Variants in WSCD1 observed in about 807,000 individuals in gnomAD.
The protein encoded by WSCD1 is sialate:O-sulfotransferase 1.
A neutral mutation model predicts 60.4 loss-of-function variants in WSCD1; 41 were observed. That is an observed-to-expected ratio of 0.68 (90% CI 0.53 to 0.88). WSCD1 has a LOEUF of 0.88. WSCD1 is among the 40% of genes least tolerant of loss of function. The probability of loss-of-function intolerance (pLI) is 0.00; values close to 1 mark genes in which losing one functional copy is unlikely to be tolerated. For missense variants in WSCD1, 784 were observed against 796.2 expected (o/e 0.98, Z 0.18); for synonymous variants, 361 against 332.5 (o/e 1.09, Z -0.93).
intron 3 of WSCD1, among the ~76,000 whole-genome samples, 177 bp from the exon 4 acceptor site, chr17:6,090,144 A>G (rs1296714541): frequency 2.0e-5 from 3 of 152,242 alleles, no homozygotes; most frequent in Non-Finnish European, 4.4e-5. Flanking sequence ...ACATGTATAC[A>G]TATGTAACTA....
chr17:6,079,509 C>T (rs1909089468), intron 1 of WSCD1, among the ~76,000 whole-genome samples: 2 of 152,176 alleles, frequency 1.3e-5, no homozygotes, highest in African/African-American at 4.8e-5. Flanking sequence ...GATCAGAGAG[C>T]CTTCTGCCTT....
In WSCD1 at chr17:6,123,657, T is replaced by A. The variant is rs377678992; in HGVS notation, c.*2996T>A. 1.3e-4 allele frequency: 20 copies of A among 152,346 alleles called. No homozygotes were observed. The East Asian group carries it at 2.3e-3, about 18-fold the overall frequency. The allele number at this position is 152,346 out of a possible 1,614,324, so 9.4% of individuals were successfully genotyped here. ...ATTCTTGGGACACAGGTTTGTTTTCTGCTGACTTGCTCGGAAACCCATTGG... is the reference window on the plus strand; with the variant it reads ...ATTCTTGGGACACAGGTTTGTTTTCAGCTGACTTGCTCGGAAACCCATTGG... On this transcript the variant is annotated 3_prime_UTR_variant, in exon 9 of 9. Coordinates refer to ENST00000317744, the MANE Select transcript of WSCD1 (RefSeq NM_015253.2).
chr17:6,107,576 C>G (rs1271197629), intron 5 of WSCD1, among the ~76,000 whole-genome samples: 5 of 152,148 alleles, frequency 3.3e-5, no homozygotes, highest in Non-Finnish European at 7.4e-5. Flanking sequence ...AGGACTTCAA[C>G]ATATGAATTT....
intron 2 of WSCD1, chr17:6,081,792 T>C (rs899236750): frequency 6.6e-6 from 1 of 152,170 alleles, no homozygotes; most frequent in Non-Finnish European, 1.5e-5. Flanking sequence ...TCCTGGGCTA[T>C]TGTGACAAGC....
chr17:6,090,389 G>A lies in WSCD1; in HGVS notation c.611G>A (p.Ser204Asn), dbSNP rs574789679. The change falls in exon 4 of 9, where the codon AGC becomes AAC. Residue 204 changes from serine to asparagine, a missense_variant. Coordinates refer to ENST00000317744, the MANE Select transcript of WSCD1 (RefSeq NM_015253.2). ...TGCGGGAACCGGCTGCCAGCGGTGA[G>A]CGTGGGGCTGGAAGAGTGTAACCAT... is the stretch of plus-strand genomic sequence containing the variant. Reference protein sequence around the residue: ...CYCGNRLPAVSVGLEECNHEC... With the variant: ...CYCGNRLPAVNVGLEECNHEC... 1.1e-5 allele frequency: 17 copies of A among 1,610,688 alleles called. No individual in the cohort carries two copies. In the East Asian group the frequency reaches 3.4e-4, roughly 32 times the overall value.
chr17:6,092,428 G>T (rs1042362188), intron 4 of WSCD1, among the ~76,000 whole-genome samples: 1 of 152,110 alleles, frequency 6.6e-6, no homozygotes, highest in African/African-American at 2.4e-5. Context: ...ATGGGGCAAT[G>T]GGGACAGGGG....
intron 7 of WSCD1, among the ~76,000 whole-genome samples, chr17:6,114,994 A>G (rs944750088): frequency 6.6e-6 from 1 of 152,148 alleles, no homozygotes; most frequent in Non-Finnish European, 1.5e-5. Context: ...TTCCAGCTTC[A>G]TGCATGTTCC....
rs1318195635 is a variant in WSCD1, at chr17:6,075,822, T to C, written c.-288-4549T>C. 2.0e-5 allele frequency among the ~76,000 whole-genome samples: 3 copies of C among 151,960 alleles called. No homozygotes were observed. On this transcript the variant is annotated intron_variant, in intron 1 of 8. Transcript: ENST00000317744. This position sits in a 1 kb window ranked among gnomAD's most constrained non-coding sequence, Gnocchi z 4.1. ...TGAAGCACTCTGCAGGGTTCCAAGA[T>C]GGGAGGTGCCCACAGGAAGCACACC...
chr17:6,096,314 A>G (rs1910423029), intron 5 of WSCD1, among the ~76,000 whole-genome samples: 1 of 152,084 alleles, frequency 6.6e-6, no homozygotes, highest in African/African-American at 2.4e-5. Flanking sequence ...GCAGGGGTGG[A>G]CTTCAATGAC....
At chr17:6,115,302 A>G (rs1216050919) in intron 7 of WSCD1, among the ~76,000 whole-genome samples, 3 of 152,218 alleles carry the variant, frequency 2.0e-5, no homozygotes, top group Admixed American at 6.5e-5. Flanking sequence ...ACCCTCAATA[A>G]TTAGGGGTGA....
At position 6,090,262 on chromosome 17, in the gene WSCD1, T is replaced by C. The variant is rs187543384; in HGVS notation, c.543-59T>C. On this transcript the variant is annotated intron_variant, in intron 3 of 8. Coordinates refer to ENST00000317744, the MANE Select transcript of WSCD1 (RefSeq NM_015253.2). The stretch of plus-strand genomic sequence containing the variant: ...CATCAAGCTGAAACAGTCTGCAGTT[T>C]AGACCGCAGCCCTAGCTCTGGGCCA... 1.1e-5 allele frequency: 17 copies of C among 1,484,962 alleles called. No homozygotes were observed. In the East Asian group the frequency reaches 4.0e-4, roughly 35 times the overall value. 92.0% of individuals were successfully genotyped at this position (1,484,962 alleles called of 1,614,324 possible). A position where few individuals can be genotyped will look rare whatever the true frequency, so the allele number is the denominator to read the frequency against.
At chr17:6,076,086 G>C (rs994366749) in intron 1 of WSCD1, among the ~76,000 whole-genome samples, 34 of 152,324 alleles carry the variant, frequency 2.2e-4, no homozygotes, top group African/African-American at 6.0e-4. Flanking sequence ...ACCGGAGCTG[G>C]GATGGGGAGA....
intron 1 of WSCD1, among the ~76,000 whole-genome samples, chr17:6,071,898 G>T (rs1908567859): frequency 6.6e-6 from 1 of 152,182 alleles, no homozygotes; most frequent in African/African-American, 2.4e-5. Flanking sequence ...CCGGGAAGGG[G>T]CCTCAACCGG....
chr17:6,071,379 C>G (rs1425994912), intron 1 of WSCD1, among the ~76,000 whole-genome samples: 1 of 152,066 alleles, frequency 6.6e-6, no homozygotes, highest in African/African-American at 2.4e-5. Flanking sequence ...CTCTGCTGAT[C>G]GGGAATGCGG....
intron 1 of WSCD1, chr17:6,078,113 T>C (rs1362645616): frequency 4.6e-5 from 7 of 152,272 alleles, no homozygotes; most frequent in Admixed American, 4.6e-4. Flanking sequence ...CCTGACTCCA[T>C]AGGAGCAGGT....
At chr17:6,082,406 C>T (rs780473658) in intron 2 of WSCD1, among the ~76,000 whole-genome samples, 41 of 152,198 alleles carry the variant, frequency 2.7e-4, no homozygotes, top group Non-Finnish European at 5.6e-4. Flanking sequence ...GCAGAATACA[C>T]ATCTCAAAGG....
intron 4 of WSCD1, among the ~76,000 whole-genome samples, chr17:6,094,258 G>T (rs928108424): frequency 6.6e-6 from 1 of 152,210 alleles, no homozygotes; most frequent in Non-Finnish European, 1.5e-5. Flanking sequence ...GCAGCAGGAG[G>T]CTTGGCAGGA....
intron 1 of WSCD1, among the ~76,000 whole-genome samples, chr17:6,071,339 T>C (rs1229567495): frequency 2.0e-5 from 3 of 152,198 alleles, no homozygotes; most frequent in African/African-American, 7.2e-5. Context: ...GTGGTTTTCC[T>C]GAGCATTTGT....
chr17:6,081,709 A>T (rs944990771), intron 2 of WSCD1, among the ~76,000 whole-genome samples: 2 of 152,020 alleles, frequency 1.3e-5, no homozygotes, highest in Non-Finnish European at 2.9e-5. Flanking sequence ...TGTCTCAAAA[A>T]AAAGAAAAAA....
Sources: gnomAD v4.1 joint callset for allele counts (sites outside exome capture counted in the v4.1 genomes callset) on GRCh38, gnomAD v4.1.1 for gene constraint, Gnocchi (gnomAD v3.1) non-coding constraint, MANE v1.5 for transcripts, NCBI Gene and HGNC (gene_info 2026-07-23, HGNC 2026-07-21) for gene names.